RBFOX1: variants seen among roughly 807,000 people sequenced by gnomAD.
RBFOX1 encodes the protein RNA binding fox-1 homolog 1.
Under a neutral mutation model 57.7 loss-of-function variants are expected in RBFOX1, and 8 were observed. The observed-to-expected ratio is 0.14, with a 90% confidence interval of 0.08 to 0.25. The LOEUF (loss-of-function observed/expected upper bound fraction) is 0.25, where lower values mean the gene tolerates loss of function less well. Ranked by LOEUF, RBFOX1 falls within the 10% of genes least tolerant of loss-of-function variation. The probability of loss-of-function intolerance (pLI) is 1.00; values close to 1 mark genes in which losing one functional copy is unlikely to be tolerated. For missense variants in RBFOX1, 611 were observed against 548.5 expected (o/e 1.11, Z -1.14); for synonymous variants, 326 against 222.4 (o/e 1.47, Z -4.15).
At chr16:5,306,979 C>G (rs1033712899) in intron 1 of RBFOX1, among the ~76,000 whole-genome samples, 1 of 151,864 alleles carries the variant, frequency 6.6e-6, no homozygotes, top group African/African-American at 2.4e-5. Context: ...GGCATCTCAG[C>G]AAAACTTTGG....
At chr16:7,698,802 C>G (rs537815847) in intron 14 of RBFOX1, among the ~76,000 whole-genome samples, 31 of 152,256 alleles carry the variant, frequency 2.0e-4, no homozygotes, top group African/African-American at 7.5e-4. Context: ...AGGAAACATA[C>G]TCCCACTTAT....
At chr16:6,808,441 C>A (rs1214825030) in intron 3 of RBFOX1, among the ~76,000 whole-genome samples, 1 of 152,154 alleles carries the variant, frequency 6.6e-6, no homozygotes, top group East Asian at 1.9e-4. Flanking sequence ...GAATAAACTA[C>A]ATCCCAAGGA....
chr16:7,289,895 A>G (rs1173022454), intron 4 of RBFOX1, among the ~76,000 whole-genome samples: 2 of 152,170 alleles, frequency 1.3e-5, no homozygotes, highest in Non-Finnish European at 2.9e-5. Flanking sequence ...AAGATTCAGA[A>G]CCAGGAGGTC....
intron 3 of RBFOX1, among the ~76,000 whole-genome samples, chr16:6,660,633 T>C (rs531776341): frequency 6.6e-6 from 1 of 152,296 alleles, no homozygotes; most frequent in South Asian, 2.1e-4. Flanking sequence ...TATATCTTCA[T>C]CTGCTTATCT....
At chr16:6,811,874 A>C (rs557479532) in intron 3 of RBFOX1, among the ~76,000 whole-genome samples, 7 of 152,206 alleles carry the variant, frequency 4.6e-5, no homozygotes, top group African/African-American at 1.7e-4. Flanking sequence ...GGGCAACACG[A>C]GTGAAACTCC....
chr16:5,412,527 G>C (rs1369420598), intron 1 of RBFOX1, among the ~76,000 whole-genome samples: 1 of 152,124 alleles, frequency 6.6e-6, no homozygotes, highest in East Asian at 1.9e-4. Flanking sequence ...AAGCACACAG[G>C]TACACAGATT....
In RBFOX1 at chr16:6,682,455, T is replaced by A. The variant is rs770451645; in HGVS notation, c.-16+27805T>A. Among the ~76,000 whole-genome samples, 3 of 152,178 alleles carry A rather than the reference T, an allele frequency of 2.0e-5. 1 individual carries two copies. Among genetic ancestry groups the A allele is most frequent in the Admixed American group, 2.0e-4 (3 of 15,276 alleles). On this transcript the variant is annotated intron_variant, in intron 3 of 15. Coordinates refer to ENST00000550418, the MANE Select transcript of RBFOX1 (RefSeq NM_018723.4). Reference sequence around the variant, plus strand: ...TTATGGAAAAGGAAAGTTAGACATTTGTTAAATATTAATGACATTGAATGT... The same window carrying A: ...TTATGGAAAAGGAAAGTTAGACATTAGTTAAATATTAATGACATTGAATGT...
chr16:6,839,571 T>G (rs994314221), intron 3 of RBFOX1, among the ~76,000 whole-genome samples: 1 of 152,204 alleles, frequency 6.6e-6, no homozygotes, highest in Non-Finnish European at 1.5e-5. Flanking sequence ...ATGCCAGCCC[T>G]GCTGGTATTT....
intron 4 of RBFOX1, among the ~76,000 whole-genome samples, chr16:7,356,368 T>A (rs980499568): frequency 4.0e-5 from 6 of 151,892 alleles, no homozygotes; most frequent in African/African-American, 1.5e-4. Context: ...GAGAGGACAG[T>A]CAGGTAAGGC....
At chr16:6,142,146 T>C (rs2096721120) in intron 1 of RBFOX1, among the ~76,000 whole-genome samples, 2 of 147,016 alleles carry the variant, frequency 1.4e-5, no homozygotes, top group Non-Finnish European at 3.0e-5. Context: ...AAAAATCAGC[T>C]TTTCTATATA....
chr16:6,399,016 G>A (rs548070705), intron 2 of RBFOX1, among the ~76,000 whole-genome samples: 263 of 152,324 alleles, frequency 1.7e-3, no homozygotes, highest in Middle Eastern at 3.4e-3. Flanking sequence ...AAATCTAGGC[G>A]AAGGTTCCCA....
At chr16:7,055,021 C>G (rs1198907402) in intron 4 of RBFOX1, among the ~76,000 whole-genome samples, 2 of 152,028 alleles carry the variant, frequency 1.3e-5, no homozygotes, top group African/African-American at 2.4e-5. Flanking sequence ...CTCACGAAGC[C>G]TAAATTAATT....
chr16:5,490,749 G>C (rs1277111475), intron 2 of RBFOX1, among the ~76,000 whole-genome samples: 1 of 152,194 alleles, frequency 6.6e-6, no homozygotes, highest in African/African-American at 2.4e-5. Flanking sequence ...CAGAGATCAT[G>C]AAGCTGCCGC....
chr16:6,007,617 A>T (rs2094935174), intron 4 of RBFOX1, among the ~76,000 whole-genome samples: 1 of 152,226 alleles, frequency 6.6e-6, no homozygotes, highest in Non-Finnish European at 1.5e-5. Context: ...CAACACTAGC[A>T]AGAGATAACT....
At chr16:7,340,800 A>G (rs547578333) in intron 4 of RBFOX1, among the ~76,000 whole-genome samples, 91 of 152,340 alleles carry the variant, frequency 6.0e-4, no homozygotes, top group Non-Finnish European at 1.0e-3. Context: ...TCACTTTTTT[A>G]AATTAAGAGA....
chr16:5,803,196 T>G (rs535575688), intron 3 of RBFOX1, among the ~76,000 whole-genome samples: 1 of 152,250 alleles, frequency 6.6e-6, no homozygotes, highest in Admixed American at 6.5e-5. Flanking sequence ...TCATAGCCCT[T>G]TGTTTTCCAT....
rs551832722 is a variant in RBFOX1, at chr16:5,481,077, C to T, written c.258+13823C>T. On this transcript the variant is annotated intron_variant, in intron 2 of 2. Coordinates refer to the RBFOX1 transcript ENST00000585867. ...AAGTCTACTAGCTCTAAAAATACTC[C>T]GACTCTCACTGTTGGAAGTGAAGGA... 2.0e-3 allele frequency among the ~76,000 whole-genome samples: 312 copies of T among 152,320 alleles called. 2 individuals carry two copies. The highest frequency in any genetic ancestry group is 7.1e-3 in the African/African-American group (296 of 41,578).
intron 1 of RBFOX1, among the ~76,000 whole-genome samples, chr16:5,356,469 C>G (rs532863777): frequency 6.6e-6 from 1 of 152,160 alleles, no homozygotes; most frequent in East Asian, 1.9e-4. Context: ...TTCTTCAAGT[C>G]GCCTTGAGGA....
intron 1 of RBFOX1, among the ~76,000 whole-genome samples, chr16:6,046,616 G>A (rs942161598): frequency 7.4e-6 from 1 of 134,274 alleles, no homozygotes; most frequent in Non-Finnish European, 1.7e-5. Context: ...GGGAATATTG[G>A]GGTTTGAAGA....
Sources: gnomAD v4.1 joint callset for allele counts (sites outside exome capture counted in the v4.1 genomes callset) on GRCh38, gnomAD v4.1.1 for gene constraint, MANE v1.5 for transcripts, NCBI Gene and HGNC (gene_info 2026-07-23, HGNC 2026-07-21) for gene names.